ANO7: variants seen among roughly 807,000 people sequenced by gnomAD.
The protein encoded by ANO7 is anoctamin-7.
ANO7 carries 114 observed loss-of-function variants against 115.8 expected under a neutral mutation model. That is an observed-to-expected ratio of 0.98 (90% CI 0.85 to 1.15). ANO7 has a LOEUF of 1.15. Among genes scored for constraint, ANO7 ranks in the 50% most tolerant of loss-of-function variants. ANO7 has a pLI of 0.00. For missense variants in ANO7, 1,302 were observed against 1,201.2 expected (o/e 1.08, Z -1.24); for synonymous variants, 550 against 498.2 (o/e 1.10, Z -1.38).
downstream of ANO7, chr2:241,229,818 A>G: frequency 9.6e-7 from 1 of 1,044,550 alleles, no homozygotes. Context: ...AGGAGGGCAG[A>G]AGCCCGCATC....
chr2:241,238,402 G>A, the ANO7 span: 3 of 336,252 alleles, frequency 8.9e-6, no homozygotes, highest in Non-Finnish European at 1.6e-5. The surrounding 1 kb of genome is among the most constrained non-coding windows in gnomAD (Gnocchi z 4.9). Context: ...GCTCCTCATC[G>A]CCTTGGGACT....
chr2:241,194,178 A>ATTT (rs2068266451), intron 3 of ANO7, among the ~76,000 whole-genome samples: 1 of 118,080 alleles, frequency 8.5e-6, no homozygotes. Context: ...CCTGGCCTTT[A>ATTT]ATTTTTTTTT....
chr2:241,230,031 CCCTGCACCTCG>C, downstream of ANO7: 1 of 1,579,550 alleles, frequency 6.3e-7, no homozygotes, highest in South Asian at 1.2e-5. This position sits in a 1 kb window ranked among gnomAD's most constrained non-coding sequence, Gnocchi z 5.0. Flanking sequence ...GCCTGCTCAC[CCCTGCACCTCG>C]CCTGCCTCTG....
the ANO7 span, chr2:241,235,667 C>A: frequency 2.0e-6 from 2 of 1,014,654 alleles, no homozygotes; most frequent in South Asian, 1.4e-5. Flanking sequence ...AGCAATGGGG[C>A]TCCACGAAAC....
intron 3 of ANO7, among the ~76,000 whole-genome samples, chr2:241,192,742 T>C (rs567218884): frequency 7.2e-5 from 11 of 152,270 alleles, no homozygotes; most frequent in Non-Finnish European, 1.2e-4. Flanking sequence ...TATTCAGCCT[T>C]AAAAAGGCAG....
At chr2:241,201,658 G>C (rs1302429621) in intron 7 of ANO7, among the ~76,000 whole-genome samples, 4 of 152,236 alleles carry the variant, frequency 2.6e-5, no homozygotes, top group Non-Finnish European at 5.9e-5. Context: ...GGTGGGTCCT[G>C]CCGGCTGGGA....
chr2:241,202,380 G>A, intron 8 of ANO7, 76 bp downstream of exon 8: 1 of 1,384,956 alleles, frequency 7.2e-7, no homozygotes, highest in South Asian at 1.2e-5. Flanking sequence ...CCCCAGGGAG[G>A]CGGGTGTGGG....
At chr2:241,217,449 G>T (rs1450562626) in intron 19 of ANO7, among the ~76,000 whole-genome samples, 1 of 152,264 alleles carries the variant, frequency 6.6e-6, no homozygotes, top group African/African-American at 2.4e-5. Context: ...AGCCGGAGAA[G>T]GCCCGTGACC....
chr2:241,223,190 C>T lies in ANO7; in HGVS notation c.2326C>T (p.Arg776Trp), dbSNP rs772230874. The T allele has an allele frequency of 2.7e-5, 44 of 1,614,014 alleles. No homozygotes were observed. The highest frequency in any genetic ancestry group is 1.1e-4 in the East Asian group (5 of 44,892). Residue 776 changes from arginine to tryptophan, a missense_variant, in exon 22 of 25, where the codon CGG (arginine) becomes TGG (tryptophan). Transcript: ENST00000674324. ...TGAGTCCTGTGTCTGCTGCAGGTAT[C>T]GGGCTTTCCGGGATGACGATGGACA... is the stretch of plus-strand genomic sequence containing the variant. The part of the protein sequence containing the change: ...AAAHNRTCRY[R>W]AFRDDDGHYS...
chr2:241,222,843 G>A (rs77904787), intron 21 of ANO7, among the ~76,000 whole-genome samples: 2,280 of 152,252 alleles, frequency 0.015, 68 homozygotes, highest in African/African-American at 0.052. Context: ...GATTTTCACC[G>A]TGTAAGTAGA....
rs967740980 is a variant in ANO7, at chr2:241,224,564, G to A, written c.*411G>A. 6.0e-5 allele frequency: 13 copies of A among 216,536 alleles called. No homozygotes were observed. The highest frequency in any genetic ancestry group is 1.2e-4 in the African/African-American group (5 of 43,268). 13.4% of individuals were successfully genotyped at this position (216,536 alleles called of 1,614,324 possible). A position where few individuals can be genotyped will look rare whatever the true frequency, so the allele number is the denominator to read the frequency against. On this transcript the variant is annotated 3_prime_UTR_variant, in exon 25 of 25. Transcript: ENST00000674324. ...TGGTGACCTTCGAATGTTTCAGAGC[G>A]CAGGGCCGTTCTCCCTCGTGTCCTC...
At chr2:241,200,881 G>C (rs1427327484) in intron 6 of ANO7, among the ~76,000 whole-genome samples, 1 of 152,236 alleles carries the variant, frequency 6.6e-6, no homozygotes, top group African/African-American at 2.4e-5. Context: ...CCCAGTCACT[G>C]TCCGCACTGC....
At chr2:241,207,427 A>G (rs2068618694) in intron 10 of ANO7, 147 bp from the exon 11 acceptor site, 3 of 618,748 alleles carry the variant, frequency 4.8e-6, no homozygotes, top group East Asian at 5.4e-5. Context: ...TAAAACAACT[A>G]TTTTTTTTAA....
the ANO7 span, among the ~76,000 whole-genome samples, chr2:241,234,214 G>T: frequency 3.3e-4 from 51 of 152,354 alleles, no homozygotes; most frequent in African/African-American, 1.2e-3. Context: ...GGGACCACTT[G>T]CGAGGATCGT....
chr2:241,217,938 CGG>C (rs748712372), intron 20 of ANO7, 47 bp downstream of exon 20: 2 of 82,776 alleles, frequency 2.4e-5, no homozygotes, highest in South Asian at 1.2e-4. Context: ...CGCGCAGGGG[CGG>C]GGGCGGGGGG....
In ANO7 at chr2:241,191,809, G is replaced by A. The variant is rs1057029633; in HGVS notation, c.166+558G>A. Among the ~76,000 whole-genome samples, 5 of 151,934 alleles carry A rather than the reference G, an allele frequency of 3.3e-5. No homozygotes were observed. The East Asian group carries it at 5.8e-4, about 18-fold the overall frequency. ...ATCACAAGTGTTGATGAGGATGAGC[G>A]GAAACTGGCTCACTTGTGCATTGCT... On this transcript the variant is annotated intron_variant, in intron 3 of 24. Coordinates refer to ENST00000674324, the MANE Select transcript of ANO7 (RefSeq NM_001370694.2).
intron 21 of ANO7, among the ~76,000 whole-genome samples, chr2:241,222,233 C>A (rs1032726418): frequency 1.7e-3 from 242 of 143,348 alleles, no homozygotes; most frequent in Non-Finnish European, 2.6e-3. Context: ...GACTCTGTCT[C>A]ATAAATAAAT....
downstream of ANO7, chr2:241,230,382 G>A (rs1354000259): frequency 4.1e-6 from 3 of 730,082 alleles, no homozygotes; most frequent in South Asian, 1.8e-5. This position sits in a 1 kb window ranked among gnomAD's most constrained non-coding sequence, Gnocchi z 5.0. Context: ...TTTAAAATCT[G>A]GTTTCAGAGT....
At position 241,218,264 on chromosome 2, in the gene ANO7, A is replaced by T. The variant is rs527323541; in HGVS notation, c.2204A>T (p.Asp735Val). ...SNAFLLAFSS[D>V]FLPRAYYRWT... ...GCCTTCCTCCTGGCCTTCTCGTCCG[A>T]CTTCCTGCCGCGCGCCTACTACCGG... The change falls in exon 21 of 25, where the codon GAC (aspartate) becomes GTC (valine). Residue 735 changes from aspartate to valine, a missense_variant. Transcript: ENST00000674324. 31 of 1,531,496 alleles carry T rather than the reference A, an allele frequency of 2.0e-5. No individual in the cohort carries two copies. The highest frequency in any genetic ancestry group is 1.0e-4 in the African/African-American group (7 of 69,764). 94.9% of individuals were successfully genotyped at this position (1,531,496 alleles called of 1,614,324 possible). A position where few individuals can be genotyped will look rare whatever the true frequency, so the allele number is the denominator to read the frequency against.
Sources: allele counts gnomAD v4.1 joint callset (sites outside exome capture counted in the v4.1 genomes callset), GRCh38; gene constraint gnomAD v4.1.1; non-coding constraint Gnocchi (gnomAD v3.1); transcripts MANE v1.5; gene names NCBI Gene and HGNC (gene_info 2026-07-23, HGNC 2026-07-21).